TTC7B: variants seen among roughly 807,000 people sequenced by gnomAD.
The protein encoded by TTC7B is tetratricopeptide repeat domain 7B, also known as tetratricopeptide repeat protein 7B.
TTC7B carries 28 observed loss-of-function variants against 106.8 expected under a neutral mutation model. The observed-to-expected ratio is 0.26, with a 90% CI of 0.19 to 0.36. TTC7B has a LOEUF of 0.36. Among genes scored for constraint, TTC7B ranks in the 10% least tolerant of loss-of-function variants. The pLI is 1.00. For missense variants in TTC7B, 862 were observed against 1,076.4 expected (o/e 0.80, Z 2.79); for synonymous variants, 405 against 430.6 (o/e 0.94, Z 0.74).
At chr14:90,772,750 T>C (rs1890905339) in intron 3 of TTC7B, 1 of 152,152 alleles carries the variant, frequency 6.6e-6, no homozygotes, top group Non-Finnish European at 1.5e-5. Flanking sequence ...GGCAGGAGGA[T>C]CTCTTGAGTT....
At chr14:90,592,507 G>A (rs984124568) in intron 18 of TTC7B, among the ~76,000 whole-genome samples, 187 of 152,202 alleles carry the variant, frequency 1.2e-3, no homozygotes, top group African/African-American at 4.3e-3. Flanking sequence ...TCAGGAGTTC[G>A]AGACCAGCCT....
intron 5 of TTC7B, among the ~76,000 whole-genome samples, chr14:90,728,734 A>T (rs1310552003): frequency 6.6e-6 from 1 of 152,188 alleles, no homozygotes; most frequent in African/African-American, 2.4e-5. Flanking sequence ...ACGTATGGGT[A>T]TGGTACCCCT....
intron 3 of TTC7B, among the ~76,000 whole-genome samples, chr14:90,772,204 C>T (rs892454741): frequency 6.6e-6 from 1 of 151,850 alleles, no homozygotes; most frequent in South Asian, 2.1e-4. Context: ...GGAAATACCT[C>T]CCTTCAACCC....
intron 13 of TTC7B, among the ~76,000 whole-genome samples, chr14:90,649,922 A>G (rs1381399518): frequency 6.6e-6 from 1 of 151,848 alleles, no homozygotes; most frequent in East Asian, 1.9e-4. Flanking sequence ...CCCGCCCCAG[A>G]GGGAGAGACC....
In TTC7B at chr14:90,541,600, C is replaced by CAGAG. The variant is rs145392805; in HGVS notation, c.2311-15_2311-12dup. 1.3e-6 allele frequency: 2 copies of CAGAG among 1,531,892 alleles called. No individual in the cohort carries two copies. Among genetic ancestry groups the CAGAG allele is most frequent in the South Asian group, 1.2e-5 (1 of 80,746 alleles). 94.9% of individuals were successfully genotyped at this position (1,531,892 alleles called of 1,614,324 possible). A position where few individuals can be genotyped will look rare whatever the true frequency, so the allele number is the denominator to read the frequency against. ...GTGAAGGATCAGGGCCTGGAGAGGT[C>CAGAG]AGAGAGAGAGAGAGACAGTCAGCCA... On this transcript the variant is annotated splice_polypyrimidine_tract_variant and intron_variant, in intron 19 of 19. Coordinates refer to ENST00000328459, the MANE Select transcript of TTC7B (RefSeq NM_001010854.2).
rs1891230865 is a variant in TTC7B at position 90,575,592 on chromosome 14, G to A, written c.2310+2514C>T. ...AGGGTCCTGCAGCACCAGTGGGAGG[G>A]GGGCCTGCCCTTGGCTGCATGGGGC... On this transcript the variant is annotated intron_variant, in intron 19 of 19. Coordinates refer to ENST00000328459, the MANE Select transcript of TTC7B (RefSeq NM_001010854.2). This position sits in a 1 kb window ranked among gnomAD's most constrained non-coding sequence, Gnocchi z 5.2. Among the ~76,000 whole-genome samples the A allele has an allele frequency of 6.6e-6, 1 of 152,202 alleles. No homozygotes were observed. Among genetic ancestry groups the A allele is most frequent in the Non-Finnish European group, 1.5e-5 (1 of 68,038 alleles).
chr14:90,613,372 G>A lies in TTC7B; in HGVS notation c.1869-2533C>T, dbSNP rs570476081. Among the ~76,000 whole-genome samples, 46 of 151,960 alleles carry A rather than the reference G, an allele frequency of 3.0e-4. 2 individuals carry two copies. In the South Asian group the frequency reaches 6.2e-3, roughly 21 times the overall value. On this transcript the variant is annotated intron_variant, in intron 16 of 19. Transcript: ENST00000328459. ...CATGCCATGGCACTCCAGCCTGGGC[G>A]ACAGAGCAAGACTGTCTCAAAAAAA...
intron 4 of TTC7B, among the ~76,000 whole-genome samples, chr14:90,730,976 C>T (rs994394095): frequency 2.5e-4 from 38 of 152,264 alleles, no homozygotes; most frequent in African/African-American, 7.7e-4. Flanking sequence ...GACAGAGTCT[C>T]GCTCTGTCGC....
chr14:90,585,230 G>GT (rs1891664584), intron 18 of TTC7B, among the ~76,000 whole-genome samples: 1 of 152,210 alleles, frequency 6.6e-6, no homozygotes, highest in Non-Finnish European at 1.5e-5. Flanking sequence ...GCATCTGGCT[G>GT]TGTCAGTTTG....
intron 3 of TTC7B, among the ~76,000 whole-genome samples, chr14:90,760,784 A>C (rs1890473675): frequency 6.6e-6 from 1 of 152,184 alleles, no homozygotes; most frequent in African/African-American, 2.4e-5. Flanking sequence ...CTGGGTTTTA[A>C]CCAAGTCCTG....
rs1383477619 is a variant in TTC7B at position 90,608,205 on chromosome 14, T to C, written c.1966+2537A>G. Among the ~76,000 whole-genome samples, 4 of 152,186 alleles carry C rather than the reference T, an allele frequency of 2.6e-5. No individual in the cohort carries two copies. Among genetic ancestry groups the C allele is most frequent in the Non-Finnish European group, 5.9e-5 (4 of 68,030 alleles). On this transcript the variant is annotated intron_variant, in intron 17 of 19. Transcript: ENST00000328459. This position sits in a 1 kb window ranked among gnomAD's most constrained non-coding sequence, Gnocchi z 5.1. Reference sequence around the variant, plus strand: ...ATCAAGATGGAGGCATTTTTCCCCATTTTTAGGCAAGCCTTCCCAACGTGT... The same window carrying C: ...ATCAAGATGGAGGCATTTTTCCCCACTTTTAGGCAAGCCTTCCCAACGTGT...
intron 3 of TTC7B, among the ~76,000 whole-genome samples, chr14:90,767,541 T>C (rs1259963542): frequency 6.6e-6 from 1 of 152,178 alleles, no homozygotes; most frequent in Non-Finnish European, 1.5e-5. Flanking sequence ...TCCTTCTTTC[T>C]CTCACCCTCT....
chr14:90,657,478 G>C lies in TTC7B; in HGVS notation c.1237-200C>G. On this transcript the variant is annotated intron_variant, in intron 10 of 19. Coordinates refer to ENST00000328459, the MANE Select transcript of TTC7B (RefSeq NM_001010854.2). The surrounding 1 kb of genome is among the most constrained non-coding windows in gnomAD (Gnocchi z 4.2). ...GACTGGGGAGTACACTGGGTTAAAA[G>C]CCAGCAGGAATGCTTCTCTGGCGCC... is the stretch of plus-strand genomic sequence containing the variant. The C allele has an allele frequency of 2.0e-6, 1 of 489,616 alleles. No individual in the cohort carries two copies. The highest frequency in any genetic ancestry group is 3.6e-6 in the Non-Finnish European group (1 of 275,438). 30.3% of individuals were successfully genotyped at this position (489,616 alleles called of 1,614,324 possible). A position where few individuals can be genotyped will look rare whatever the true frequency, so the allele number is the denominator to read the frequency against.
intron 1 of TTC7B, among the ~76,000 whole-genome samples, chr14:90,812,667 A>C: frequency 6.9e-6 from 1 of 144,614 alleles, no homozygotes; most frequent in East Asian, 2.1e-4. Context: ...TCTCAGTGGG[A>C]CTCACCCGGG....
rs66522045 is a variant in TTC7B at position 90,663,450 on chromosome 14, GT to G, written c.1153-5064del. On this transcript the variant is annotated intron_variant, in intron 9 of 19. Transcript: ENST00000328459. This position sits in a 1 kb window ranked among gnomAD's most constrained non-coding sequence, Gnocchi z 4.5. ...ACTGTTTCAGAGACTCAGCGATATG[GT>G]TTTTTTTTTGCTGCTAATGGGGACC... Among the ~76,000 whole-genome samples, 24,459 of 150,162 alleles carry G rather than the reference GT, an allele frequency of 0.16. 2,674 individuals are homozygous for G. Among genetic ancestry groups the G allele is most frequent in the African/African-American group, 0.32 (13,261 of 41,080 alleles).
intron 3 of TTC7B, chr14:90,773,045 T>C (rs767739693): frequency 1.3e-5 from 2 of 152,232 alleles, no homozygotes; most frequent in Non-Finnish European, 2.9e-5. Flanking sequence ...GCTAGAAGTA[T>C]TGCTGGCTAG....
At chr14:90,654,929 G>T in intron 12 of TTC7B, 64 bp downstream of exon 12, 1 of 1,282,850 alleles carries the variant, frequency 7.8e-7, no homozygotes. Context: ...TGGGAATCCC[G>T]CAGGGTAGAC....
chr14:90,614,802 A>T (rs556255808), intron 16 of TTC7B, among the ~76,000 whole-genome samples: 1 of 152,248 alleles, frequency 6.6e-6, no homozygotes, highest in East Asian at 1.9e-4. Flanking sequence ...AGAAGTTTCA[A>T]TAAACGTGGT....
chr14:90,631,656 T>G (rs1884709375), intron 15 of TTC7B, among the ~76,000 whole-genome samples: 1 of 152,150 alleles, frequency 6.6e-6, no homozygotes, highest in African/African-American at 2.4e-5. Context: ...TCTGCCCATC[T>G]CAGCCTCCCA....
Sources: gnomAD v4.1 joint callset for allele counts (sites outside exome capture counted in the v4.1 genomes callset) on GRCh38, gnomAD v4.1.1 for gene constraint, Gnocchi (gnomAD v3.1) non-coding constraint, MANE v1.5 for transcripts, NCBI Gene and HGNC (gene_info 2026-07-23, HGNC 2026-07-21) for gene names.